RCL1: variants seen among roughly 807,000 people sequenced by gnomAD.
RCL1 encodes RNA 3'-terminal phosphate cyclase-like protein.
RCL1 carries 24 observed loss-of-function variants against 42.4 expected under a neutral mutation model. The ratio of observed to expected loss-of-function variants is 0.57; its 90% CI spans 0.41 to 0.80. The LOEUF (loss-of-function observed/expected upper bound fraction) is 0.80. Ranked by LOEUF, RCL1 falls within the 30% of genes least tolerant of loss-of-function variation. The pLI is 0.00. For missense variants in RCL1, 578 were observed against 467.9 expected, an observed-to-expected ratio of 1.24 and a Z score of -2.17; for synonymous variants, 228 against 177.3, an observed-to-expected ratio of 1.29 and a Z score of -2.27.
At chr9:4,836,174 G>A in intron 5 of RCL1, among the ~76,000 whole-genome samples, 1 of 152,214 alleles carries the variant, frequency 6.6e-6, no homozygotes, top group Admixed American at 6.5e-5. Context: ...TTAACACAGT[G>A]CCAGCTGCAT....
chr9:4,803,992 G>C (rs1383731740), intron 1 of RCL1: 1 of 152,512 alleles, frequency 6.6e-6, no homozygotes, highest in Non-Finnish European at 1.5e-5. Flanking sequence ...CTTGAGGCGA[G>C]AGCTGTCTGT....
At chr9:4,843,111 T>A (rs1817391128) in intron 6 of RCL1, among the ~76,000 whole-genome samples, 1 of 152,170 alleles carries the variant, frequency 6.6e-6, no homozygotes, top group African/African-American at 2.4e-5. Flanking sequence ...GGATTTAAAT[T>A]TGTGTTTGGT....
At chr9:4,832,559 C>T (rs938364952) in intron 3 of RCL1, among the ~76,000 whole-genome samples, 1 of 151,730 alleles carries the variant, frequency 6.6e-6, no homozygotes, top group South Asian at 2.1e-4. Flanking sequence ...ACCTGTTATC[C>T]CAGCACTTTG....
intron 3 of RCL1, 68 bp from the exon 4 acceptor site, chr9:4,833,086 G>GT (rs1023451522): frequency 2.7e-4 from 302 of 1,103,586 alleles, no homozygotes; most frequent in Admixed American, 1.4e-3. Context: ...AGCCTTACTT[G>GT]TTTTTTTTGA....
intron 1 of RCL1, among the ~76,000 whole-genome samples, chr9:4,821,763 C>T (rs142043705): frequency 6.8e-4 from 103 of 152,292 alleles, no homozygotes; most frequent in African/African-American, 2.4e-3. Flanking sequence ...TACAGATACA[C>T]ACCATGGCAC....
At chr9:4,836,187 C>T (rs1206816392) in intron 5 of RCL1, among the ~76,000 whole-genome samples, 1 of 152,188 alleles carries the variant, frequency 6.6e-6, no homozygotes, top group Non-Finnish European at 1.5e-5. Flanking sequence ...AGCTGCATGG[C>T]CATGTGGCTA....
intron 1 of RCL1, among the ~76,000 whole-genome samples, chr9:4,807,193 T>C (rs1816003805): frequency 6.6e-6 from 1 of 152,206 alleles, no homozygotes; most frequent in South Asian, 2.1e-4. Context: ...GTTGTCAATT[T>C]TATTGATCTC....
At chr9:4,824,330 G>C (rs1458141266) in intron 2 of RCL1, among the ~76,000 whole-genome samples, 1 of 150,128 alleles carries the variant, frequency 6.7e-6, no homozygotes, top group African/African-American at 2.4e-5. Flanking sequence ...GCATAATTCA[G>C]ACCATCAGCA....
At chr9:4,817,543 G>A (rs183628424) in intron 1 of RCL1, among the ~76,000 whole-genome samples, 1 of 150,614 alleles carries the variant, frequency 6.6e-6, no homozygotes, top group Non-Finnish European at 1.5e-5. Flanking sequence ...GCTCCATCAT[G>A]GCTCACTTCA....
chr9:4,837,935 C>T (rs1362642390), intron 5 of RCL1, among the ~76,000 whole-genome samples: 1 of 152,182 alleles, frequency 6.6e-6, no homozygotes, highest in Non-Finnish European at 1.5e-5. Context: ...GACACAGTGC[C>T]CTTTCTCAGA....
At chr9:4,837,366 T>C (rs1817175290) in intron 5 of RCL1, among the ~76,000 whole-genome samples, 1 of 152,190 alleles carries the variant, frequency 6.6e-6, no homozygotes, top group Non-Finnish European at 1.5e-5. Flanking sequence ...AATAAGTGTA[T>C]AGGAATACAC....
At chr9:4,806,130 C>G (rs1355308053) in intron 1 of RCL1, among the ~76,000 whole-genome samples, 1 of 148,528 alleles carries the variant, frequency 6.7e-6, no homozygotes, top group Non-Finnish European at 1.5e-5. Context: ...TTTTTTTTCC[C>G]TTGTCATTTC....
At chr9:4,846,838 C>G (rs1250173067) in intron 7 of RCL1, among the ~76,000 whole-genome samples, 1 of 152,046 alleles carries the variant, frequency 6.6e-6, no homozygotes, top group African/African-American at 2.4e-5. Context: ...GTAAAAGCAC[C>G]TACCACTCCA....
chr9:4,847,475 G>C (rs1295075485), intron 7 of RCL1, among the ~76,000 whole-genome samples: 1 of 152,110 alleles, frequency 6.6e-6, no homozygotes, highest in African/African-American at 2.4e-5. Flanking sequence ...AAGCCTTCTT[G>C]ATTCTGTCCC....
chr9:4,849,541 C>T lies in RCL1; in HGVS notation c.962C>T (p.Ser321Phe). ...TCCAAAGTCCTGCTAGGCCCTCTCTCTCCCTACACGTAAGTTATTCTTTTT... is the reference window on the plus strand; with the variant it reads ...TCCAAAGTCCTGCTAGGCCCTCTCTTTCCCTACACGTAAGTTATTCTTTTT... ...DVSKVLLGPL[S>F]PYTIEFLRHL... Residue 321 changes from serine to phenylalanine, a missense_variant, in exon 8 of 9, where the codon TCT becomes TTT. By Grantham distance (155) the Ser-to-Phe change is radical (BLOSUM62 -2). Transcript: ENST00000381750. The T allele has an allele frequency of 6.2e-7, 1 of 1,609,660 alleles. No homozygotes were observed. Among genetic ancestry groups the T allele is most frequent in the Non-Finnish European group, 8.5e-7 (1 of 1,176,182 alleles).
Position 4,822,589 on chromosome 9 carries a change from G to A in RCL1, c.137-959G>A, listed in dbSNP as rs150214650. On this transcript the variant is annotated intron_variant, in intron 1 of 8. Transcript: ENST00000381750. ...TCCCAGCACTTTGGGAGGCTGAGGT[G>A]GGAGGATTGTTTGAGGTCAGGAGTT... 2.6e-3 allele frequency among the ~76,000 whole-genome samples: 397 copies of A among 152,148 alleles called. 1 individual carries two copies. The highest frequency in any genetic ancestry group is 9.3e-3 in the African/African-American group (384 of 41,502).
intron 2 of RCL1, among the ~76,000 whole-genome samples, chr9:4,825,666 C>G (rs577732929): frequency 6.6e-6 from 1 of 152,284 alleles, no homozygotes; most frequent in Admixed American, 6.5e-5. Context: ...TTTTGTGCAG[C>G]AGAAATACCT....
At chr9:4,815,078 T>G (rs1352337631) in intron 1 of RCL1, among the ~76,000 whole-genome samples, 1 of 152,206 alleles carries the variant, frequency 6.6e-6, no homozygotes, top group Non-Finnish European at 1.5e-5. Flanking sequence ...GTTTAACTAT[T>G]AATATGCCTT....
rs755268118 is a variant in RCL1 at position 4,844,688 on chromosome 9, C to A, written c.867+7C>A. On this transcript the variant is annotated splice_region_variant and intron_variant, in intron 7 of 8. Coordinates refer to ENST00000381750, the MANE Select transcript of RCL1 (RefSeq NM_005772.5). ...GCTGGAGGAAATCTACAGGGTATGT[C>A]CACAGCTTCCTCTGATAGAGGAGTG... 6 of 1,608,754 alleles carry A rather than the reference C, an allele frequency of 3.7e-6. No homozygotes were observed. The highest frequency in any genetic ancestry group is 3.3e-5 in the South Asian group (3 of 90,296).
Sources: allele counts gnomAD v4.1 joint callset (sites outside exome capture counted in the v4.1 genomes callset), GRCh38; gene constraint gnomAD v4.1.1; transcripts MANE v1.5; gene names NCBI Gene and HGNC (gene_info 2026-07-23, HGNC 2026-07-21).